The following RALGAPA2 variants were observed in gnomAD, a reference collection of about 807,000 sequenced individuals.
The protein encoded by RALGAPA2 is ral GTPase-activating protein subunit alpha-2.
RALGAPA2 carries 139 observed loss-of-function variants against 230.4 expected under a neutral mutation model. The observed-to-expected ratio is 0.60, with a 90% confidence interval of 0.53 to 0.69. The LOEUF (loss-of-function observed/expected upper bound fraction) is 0.69, where lower values mean the gene tolerates loss of function less well. Among genes scored for constraint, RALGAPA2 ranks in the 30% least tolerant of loss-of-function variants. The pLI, the probability that RALGAPA2 is intolerant of heterozygous loss-of-function variation, is 0.00. For synonymous variants in RALGAPA2, 847 were observed against 837.8 expected (o/e 1.01, Z -0.19); for missense variants, 2,163 against 2,276.0 (o/e 0.95, Z 1.01).
chr20:20,571,745 G>C, intron 22 of RALGAPA2, 103 bp downstream of exon 22: 3 of 1,453,338 alleles, frequency 2.1e-6, no homozygotes, highest in Non-Finnish European at 2.8e-6. Flanking sequence ...GTAAGACCCA[G>C]CCTGTCTTCA....
chr20:20,513,383 T>G (rs1179140910), intron 31 of RALGAPA2, 99 bp from the exon 32 acceptor site: 1 of 1,022,332 alleles, frequency 9.8e-7, no homozygotes, highest in Non-Finnish European at 1.3e-6. Flanking sequence ...AGTTCCAATA[T>G]GGTAGATTAC....
chr20:20,448,092 T>C (rs2060904849), intron 37 of RALGAPA2, among the ~76,000 whole-genome samples: 1 of 152,168 alleles, frequency 6.6e-6, no homozygotes, highest in South Asian at 2.1e-4. Flanking sequence ...ACAAATATAG[T>C]CCCTCCCCAG....
chr20:20,712,167 G>C lies in RALGAPA2; in HGVS notation c.106+208C>G, dbSNP rs1292795847. Among the ~76,000 whole-genome samples the C allele has an allele frequency of 1.3e-5, 2 of 152,108 alleles. No homozygotes were observed. Among genetic ancestry groups the C allele is most frequent in the Non-Finnish European group, 2.9e-5 (2 of 68,018 alleles). ...AGAATCTGGGCTAAGTTTAACTCGA[G>C]GGCGACGGGAGCAGTGCCCGAGGGC... On this transcript the variant is annotated intron_variant, in intron 1 of 39. Transcript: ENST00000202677. The surrounding 1 kb of genome is among the most constrained non-coding windows in gnomAD (Gnocchi z 5.5).
chr20:20,457,249 G>A (rs970413399), intron 37 of RALGAPA2, among the ~76,000 whole-genome samples: 19 of 152,082 alleles, frequency 1.2e-4, no homozygotes, highest in African/African-American at 4.1e-4. Flanking sequence ...CACAGGGAGA[G>A]GTACCATGGT....
chr20:20,458,727 T>TAC (rs1246159835), intron 37 of RALGAPA2, among the ~76,000 whole-genome samples: 25 of 64,256 alleles, frequency 3.9e-4, no homozygotes, highest in African/African-American at 1.5e-3. Flanking sequence ...TATATATATA[T>TAC]ACACACACCT....
intron 37 of RALGAPA2, chr20:20,471,776 T>A (rs1602471297): frequency 1.3e-5 from 2 of 152,230 alleles, no homozygotes; most frequent in South Asian, 4.1e-4. Context: ...TACTCATTTC[T>A]ATGATAATTT....
At chr20:20,643,029 A>T (rs1473024529) in intron 5 of RALGAPA2, among the ~76,000 whole-genome samples, 2 of 152,220 alleles carry the variant, frequency 1.3e-5, no homozygotes, top group Non-Finnish European at 2.9e-5. Flanking sequence ...ATCTGCCACA[A>T]ATAAATATTC....
intron 37 of RALGAPA2, among the ~76,000 whole-genome samples, chr20:20,422,731 A>G (rs1450532831): frequency 6.6e-6 from 1 of 152,240 alleles, no homozygotes. Flanking sequence ...TGGCTGAATC[A>G]TTTAAGCATG....
intron 13 of RALGAPA2, among the ~76,000 whole-genome samples, chr20:20,614,413 A>T (rs1414940979): frequency 6.6e-6 from 1 of 152,214 alleles, no homozygotes; most frequent in East Asian, 1.9e-4. Flanking sequence ...GGAAAAAAAC[A>T]TTAAAAATGA....
chr20:20,533,703 T>C (rs2063426454), intron 26 of RALGAPA2, among the ~76,000 whole-genome samples: 1 of 152,178 alleles, frequency 6.6e-6, no homozygotes, highest in African/African-American at 2.4e-5. Context: ...TTCAGGTTTA[T>C]ATGGGATACT....
intron 38 of RALGAPA2, 104 bp downstream of exon 38, chr20:20,411,923 T>C (rs2060068311): frequency 1.4e-6 from 2 of 1,429,258 alleles, no homozygotes; most frequent in Non-Finnish European, 1.9e-6. Context: ...AGAGGGAGAA[T>C]GCTCTTCTTA....
chr20:20,543,982 A>C (rs2063715932), intron 24 of RALGAPA2, among the ~76,000 whole-genome samples: 1 of 152,018 alleles, frequency 6.6e-6, no homozygotes, highest in African/African-American at 2.4e-5. Flanking sequence ...AAAGTGGGTG[A>C]AGGTTATAAA....
intron 37 of RALGAPA2, among the ~76,000 whole-genome samples, chr20:20,432,560 A>C (rs184927293): frequency 1.4e-4 from 22 of 152,356 alleles, no homozygotes; most frequent in Admixed American, 6.5e-4. Flanking sequence ...GAAGAAAATT[A>C]AAAACAAGAG....
chr20:20,440,898 T>C (rs1201208574), intron 37 of RALGAPA2, among the ~76,000 whole-genome samples: 2 of 152,256 alleles, frequency 1.3e-5, no homozygotes, highest in Non-Finnish European at 2.9e-5. Context: ...CATTGAACAA[T>C]GTTGCTGAAA....
chr20:20,662,596 C>G (rs1237803525), intron 3 of RALGAPA2, among the ~76,000 whole-genome samples: 1 of 152,172 alleles, frequency 6.6e-6, no homozygotes, highest in East Asian at 1.9e-4. Context: ...AAGCTACAGA[C>G]AGTTGAACTG....
chr20:20,657,326 T>C lies in RALGAPA2; in HGVS notation c.271-3739A>G, dbSNP rs373587089. On this transcript the variant is annotated intron_variant, in intron 3 of 39. Transcript: ENST00000202677. ...CTACTGCCTCTGGCAGTTACTGGCT[T>C]GGGGCCATGATGCAAAGAGTATGAC... 3.1e-4 allele frequency among the ~76,000 whole-genome samples: 47 copies of C among 152,274 alleles called. No homozygotes were observed. In the South Asian group the frequency reaches 9.1e-3, roughly 30 times the overall value.
chr20:20,400,823 T>G (rs2059818056), intron 38 of RALGAPA2, among the ~76,000 whole-genome samples: 2 of 152,252 alleles, frequency 1.3e-5, no homozygotes, highest in Non-Finnish European at 2.9e-5. Flanking sequence ...AAATGTGGTC[T>G]ATCCGTACAG....
Position 20,513,130 on chromosome 20 carries a change from G to A in RALGAPA2, c.4239C>T (p.Gly1413=). ...SENHDNAHVE[G]SELSFEVFRS... ...TGAACACCTCAAAGGACAGCTCGGA[G>A]CCTTCCACATGGGCATTGTCATGGT... Residue 1413 remains glycine, a synonymous_variant, in exon 32 of 40, where the codon GGC becomes GGT. Transcript: ENST00000202677. 1 of 1,569,454 alleles carries A rather than the reference G, an allele frequency of 6.4e-7. No individual in the cohort carries two copies. Among genetic ancestry groups the A allele is most frequent in the Non-Finnish European group, 8.6e-7 (1 of 1,161,084 alleles).
intron 23 of RALGAPA2, among the ~76,000 whole-genome samples, chr20:20,558,035 A>T (rs2064139593): frequency 6.6e-6 from 1 of 151,898 alleles, no homozygotes; most frequent in Admixed American, 6.6e-5. Flanking sequence ...ACTAAGTTTC[A>T]TTCTTGTTGC....
Sources: allele counts gnomAD v4.1 joint callset (sites outside exome capture counted in the v4.1 genomes callset), GRCh38; gene constraint gnomAD v4.1.1; non-coding constraint Gnocchi (gnomAD v3.1); transcripts MANE v1.5; gene names NCBI Gene and HGNC (gene_info 2026-07-23, HGNC 2026-07-21).